GRIN2A: variants seen among roughly 807,000 people sequenced by gnomAD.
The protein encoded by GRIN2A is glutamate ionotropic receptor NMDA type subunit 2A.
In GRIN2A, 22 loss-of-function variants were observed where a neutral mutation model predicts 113.4. The ratio of observed to expected loss-of-function variants is 0.19; its 90% CI spans 0.14 to 0.28. The LOEUF (loss-of-function observed/expected upper bound fraction) is 0.28, where lower values mean the gene tolerates loss of function less well. Ranked by LOEUF, GRIN2A falls within the 10% of genes least tolerant of loss-of-function variation. GRIN2A has a pLI of 1.00. For missense variants in GRIN2A, 1,502 were observed against 1,887.0 expected, an observed-to-expected ratio of 0.80 and a Z score of 3.78; for synonymous variants, 827 against 738.4, an observed-to-expected ratio of 1.12 and a Z score of -1.94.
In GRIN2A at chr16:9,853,544, T is replaced by C. The variant is rs563498293; in HGVS notation, c.1123-3583A>G. 5.8e-4 allele frequency among the ~76,000 whole-genome samples: 88 copies of C among 152,294 alleles called. 1 individual carries two copies. The highest frequency in any genetic ancestry group is 2.9e-3 in the Admixed American group (44 of 15,286). ...TTGGACTTCCCAGTCTCCAGAAGCA[T>C]GAGAAACAAGTTTCTGTGGTTTATA... On this transcript the variant is annotated intron_variant, in intron 4 of 12. Transcript: ENST00000330684.
intron 2 of GRIN2A, among the ~76,000 whole-genome samples, chr16:10,175,099 G>A (rs771925699): frequency 6.6e-6 from 1 of 152,214 alleles, no homozygotes; most frequent in Non-Finnish European, 1.5e-5. Context: ...ATGCTGTAGA[G>A]GCTTGTAGCC....
At chr16:10,127,627 C>G (rs535373696) in intron 2 of GRIN2A, among the ~76,000 whole-genome samples, 2 of 152,276 alleles carry the variant, frequency 1.3e-5, no homozygotes, top group Admixed American at 6.5e-5. Context: ...ATAGCATGAA[C>G]TATGTCCTTC....
intron 10 of GRIN2A, among the ~76,000 whole-genome samples, chr16:9,807,487 C>G (rs1247849623): frequency 6.6e-6 from 1 of 151,834 alleles, no homozygotes; most frequent in African/African-American, 2.4e-5. Context: ...GATGAATGTA[C>G]CCACTTTGTC....
chr16:9,961,788 A>G (rs995885494), intron 2 of GRIN2A, among the ~76,000 whole-genome samples: 2 of 151,904 alleles, frequency 1.3e-5, no homozygotes, highest in African/African-American at 4.8e-5. Flanking sequence ...TTTAAAGTTC[A>G]TATGGAACCA....
chr16:10,090,323 G>T (rs968610026), intron 2 of GRIN2A, among the ~76,000 whole-genome samples: 2 of 152,182 alleles, frequency 1.3e-5, no homozygotes, highest in Admixed American at 1.3e-4. Flanking sequence ...TCAAGAGAGT[G>T]TGGTATTAAG....
chr16:9,794,073 G>A (rs1412097701), intron 11 of GRIN2A, among the ~76,000 whole-genome samples: 2 of 152,172 alleles, frequency 1.3e-5, no homozygotes, highest in East Asian at 3.9e-4. Flanking sequence ...CATGAGCATT[G>A]TTACTCCAGT....
chr16:9,892,452 A>T (rs2043713106), intron 3 of GRIN2A, among the ~76,000 whole-genome samples: 1 of 152,182 alleles, frequency 6.6e-6, no homozygotes, highest in African/African-American at 2.4e-5. Context: ...GGAGGAAGAG[A>T]AAAAGCAACA....
At chr16:9,849,269 T>G (rs1426651276) in intron 5 of GRIN2A, among the ~76,000 whole-genome samples, 1 of 147,754 alleles carries the variant, frequency 6.8e-6, no homozygotes, top group Admixed American at 6.8e-5. Flanking sequence ...TATATTTATT[T>G]TAATATACAA....
intron 2 of GRIN2A, among the ~76,000 whole-genome samples, chr16:9,969,194 C>T (rs1375167691): frequency 2.0e-5 from 3 of 152,128 alleles, no homozygotes; most frequent in African/African-American, 7.2e-5. Flanking sequence ...AGGTGATCTC[C>T]TCGTCCCATG....
intron 2 of GRIN2A, among the ~76,000 whole-genome samples, chr16:9,958,199 T>C (rs1446260039): frequency 1.3e-5 from 2 of 152,188 alleles, no homozygotes; most frequent in African/African-American, 4.8e-5. Flanking sequence ...TGGCATGCAA[T>C]TAACTTCCAA....
At chr16:10,010,980 C>T (rs930982798) in intron 2 of GRIN2A, among the ~76,000 whole-genome samples, 1 of 152,170 alleles carries the variant, frequency 6.6e-6, no homozygotes, top group African/African-American at 2.4e-5. Flanking sequence ...CTGGGTTATT[C>T]CTGTAACATT....
rs145415809 is a variant in GRIN2A, at chr16:9,766,404, G to T, written c.2596-1456C>A. ...CAGTCTCTCCACTCCAGCCTTCAAG[G>T]AACCGTAAACACAAAAGCCTACAGT... On this transcript the variant is annotated intron_variant, in intron 12 of 12. Transcript: ENST00000330684. Among the ~76,000 whole-genome samples the T allele has an allele frequency of 5.9e-5, 9 of 152,248 alleles. No individual in the cohort carries two copies. In the East Asian group the frequency reaches 1.7e-3, roughly 29 times the overall value.
chr16:10,051,295 G>T (rs1387415153), intron 2 of GRIN2A, among the ~76,000 whole-genome samples: 1 of 152,176 alleles, frequency 6.6e-6, no homozygotes, highest in Non-Finnish European at 1.5e-5. Flanking sequence ...AATAACTGCA[G>T]TCAGTTGTAA....
intron 11 of GRIN2A, among the ~76,000 whole-genome samples, chr16:9,797,845 A>C (rs988873610): frequency 9.2e-5 from 14 of 152,068 alleles, no homozygotes; most frequent in Non-Finnish European, 1.6e-4. Context: ...GCCTCTACCC[A>C]TTAGATCAGC....
chr16:9,980,358 G>T (rs2045867533), intron 2 of GRIN2A, among the ~76,000 whole-genome samples: 1 of 152,112 alleles, frequency 6.6e-6, no homozygotes, highest in African/African-American at 2.4e-5. Context: ...AGAGGATGTG[G>T]AGAAATAGGA....
intron 2 of GRIN2A, among the ~76,000 whole-genome samples, chr16:10,173,426 G>T (rs2050082582): frequency 6.6e-6 from 1 of 152,190 alleles, no homozygotes; most frequent in Non-Finnish European, 1.5e-5. Flanking sequence ...CCCAATTTAT[G>T]CTAATCCTCA....
At chr16:9,964,201 G>A (rs1211006199) in intron 2 of GRIN2A, among the ~76,000 whole-genome samples, 3 of 152,174 alleles carry the variant, frequency 2.0e-5, no homozygotes, top group Admixed American at 1.3e-4. Flanking sequence ...GAAGGGAATC[G>A]TCAAATATCC....
At chr16:10,060,711 C>T (rs2047537464) in intron 2 of GRIN2A, among the ~76,000 whole-genome samples, 1 of 152,144 alleles carries the variant, frequency 6.6e-6, no homozygotes, top group Admixed American at 6.5e-5. Flanking sequence ...GAAATTGAGA[C>T]TCAGAAAAGT....
At chr16:10,087,942 G>A (rs901742332) in intron 2 of GRIN2A, among the ~76,000 whole-genome samples, 7 of 145,554 alleles carry the variant, frequency 4.8e-5, no homozygotes, top group African/African-American at 1.5e-4. Context: ...TGCCCACCTC[G>A]GCCTCCCAAA....
Sources: gnomAD v4.1 joint callset for allele counts (sites outside exome capture counted in the v4.1 genomes callset) on GRCh38, gnomAD v4.1.1 for gene constraint, MANE v1.5 for transcripts, NCBI Gene and HGNC (gene_info 2026-07-23, HGNC 2026-07-21) for gene names.